BCL9: variants seen among roughly 807,000 people sequenced by gnomAD.
The protein encoded by BCL9 is B-cell CLL/lymphoma 9 protein.
BCL9 carries 25 observed loss-of-function variants against 88.5 expected under a neutral mutation model. The ratio of observed to expected loss-of-function variants is 0.28; its 90% CI spans 0.21 to 0.39. The LOEUF (loss-of-function observed/expected upper bound fraction) is 0.39, where lower values mean the gene tolerates loss of function less well. Ranked by LOEUF, BCL9 falls within the 10% of genes least tolerant of loss-of-function variation. The probability of loss-of-function intolerance (pLI) is 1.00; values close to 1 mark genes in which losing one functional copy is unlikely to be tolerated. For synonymous variants in BCL9, 711 were observed against 673.3 expected (o/e 1.06, Z -0.87); for missense variants, 1,817 against 1,877.8 (o/e 0.97, Z 0.60).
Position 147,620,181 on chromosome 1 carries a change from A to T in BCL9, c.2026A>T (p.Ile676Phe). 1 of 1,614,046 alleles carries T rather than the reference A, an allele frequency of 6.2e-7. No homozygotes were observed. Among genetic ancestry groups the T allele is most frequent in the Non-Finnish European group, 8.5e-7 (1 of 1,179,952 alleles). The change falls in exon 8 of 10, where the codon ATT (isoleucine) becomes TTT (phenylalanine). Residue 676 changes from isoleucine (I) to phenylalanine (F), a missense_variant. Transcript: ENST00000234739. ...QRHMEPGNNP[I>F]FPRIPVEGPL... ...CCACATGGAGCCTGGGAATAACCCC[A>T]TTTTCCCTCGAATACCAGTTGAGGG...
In BCL9 at chr1:147,615,905, A is replaced by G; in HGVS notation, c.660+3A>G. ...CAGAGAGAAGCACAGCGCCTCTGGT[A>G]TGTTGTTTCAGAAACTGAGTAATGG... On this transcript the variant is annotated splice_donor_region_variant and intron_variant, in intron 7 of 9. Coordinates refer to ENST00000234739, the MANE Select transcript of BCL9 (RefSeq NM_004326.4). 2 of 1,608,596 alleles carry G rather than the reference A, an allele frequency of 1.2e-6. No individual in the cohort carries two copies. Among genetic ancestry groups the G allele is most frequent in the Middle Eastern group, 1.7e-4 (1 of 6,054 alleles).
intron 1 of BCL9, among the ~76,000 whole-genome samples, chr1:147,570,624 G>C (rs1464704408): frequency 4.7e-5 from 1 of 21,094 alleles, no homozygotes; most frequent in Non-Finnish European, 1.1e-4. Context: ...ATTGTTGACT[G>C]ATTTTCTTTT....
In BCL9 at chr1:147,625,262, G is replaced by A. The variant is rs1020382298; in HGVS notation, c.*303G>A. ...TAGCTGTGCTTTGAGAATTGCCATC[G>A]GTCATGTGTTGCACCGTTCTCTGTA... On this transcript the variant is annotated 3_prime_UTR_variant, in exon 10 of 10. Transcript: ENST00000234739. 6 of 376,260 alleles carry A rather than the reference G, an allele frequency of 1.6e-5. No homozygotes were observed. The highest frequency in any genetic ancestry group is 8.5e-5 in the East Asian group (2 of 23,456). The allele number at this position is 376,260 out of a possible 1,614,324, so 23.3% of individuals were successfully genotyped here.
At chr1:147,593,769 G>A (rs1038786602) in intron 1 of BCL9, among the ~76,000 whole-genome samples, 6 of 152,084 alleles carry the variant, frequency 3.9e-5, no homozygotes, top group Non-Finnish European at 5.9e-5. Flanking sequence ...CCCAAGCCCT[G>A]TACTTAGTAG....
chr1:147,613,146 A>G lies in BCL9; in HGVS notation c.317A>G (p.Asp106Gly), dbSNP rs782066490. The G allele has an allele frequency of 6.2e-7, 1 of 1,613,892 alleles. No homozygotes were observed. The highest frequency in any genetic ancestry group is 8.5e-7 in the Non-Finnish European group (1 of 1,179,966). ...KGKRERSISA[D>G]SFDQRDPGTP... is the part of the protein sequence containing the mutation. ...AAAAGGGAGCGAAGTATTTCCGCCG[A>G]CTCCTTTGATCAGAGAGATCCTGGG... Residue 106 changes from aspartate to glycine, a missense_variant, in exon 5 of 10, where the codon GAC becomes GGC. This residue lies in a region of BCL9 where 1,228 missense variants were observed against 1,191.6 expected (regional missense o/e 1.03). Transcript: ENST00000234739.
At chr1:147,564,984 T>G (rs782069138) in intron 1 of BCL9, among the ~76,000 whole-genome samples, 1 of 152,096 alleles carries the variant, frequency 6.6e-6, no homozygotes, top group South Asian at 2.1e-4. Context: ...ACTCAATAGC[T>G]ACATGTAACT....
In BCL9 at chr1:147,618,243, GGAGGGGAGTGCC is replaced by G. The variant is rs587671108; in HGVS notation, c.661-572_661-561del. Among the ~76,000 whole-genome samples, 4 of 152,214 alleles carry G rather than the reference GGAGGGGAGTGCC, an allele frequency of 2.6e-5. No individual in the cohort carries two copies. The East Asian group carries it at 5.8e-4, about 22-fold the overall frequency. ...GATGTCAGGCCTCCTGGAAACTCCA[GGAGGGGAGTGCC>G]TCAGTAGTCACCCTGCCAGAGGAGA... On this transcript the variant is annotated intron_variant, in intron 7 of 9. Transcript: ENST00000234739.
chr1:147,593,039 C>T (rs181991709), intron 1 of BCL9, among the ~76,000 whole-genome samples: 2 of 152,186 alleles, frequency 1.3e-5, no homozygotes, highest in Non-Finnish European at 1.5e-5. Context: ...GAGGAACAAA[C>T]TTCATGAGAA....
chr1:147,543,557 C>CAT (rs587721264), intron 1 of BCL9, among the ~76,000 whole-genome samples: 45 of 152,270 alleles, frequency 3.0e-4, no homozygotes, highest in African/African-American at 8.4e-4. Flanking sequence ...GTATTTTATG[C>CAT]ATATATATAT....
chr1:147,586,653 G>C (rs1656614753), intron 1 of BCL9, among the ~76,000 whole-genome samples: 1 of 152,208 alleles, frequency 6.6e-6, no homozygotes, highest in African/African-American at 2.4e-5. Flanking sequence ...CCCAGTGCTC[G>C]GGACCCTATG....
chr1:147,612,831 C>T (rs1553202818), intron 4 of BCL9, 52 bp from the exon 5 acceptor site: 5 of 1,553,256 alleles, frequency 3.2e-6, no homozygotes, highest in Non-Finnish European at 4.4e-6. Flanking sequence ...CTAATTTGTG[C>T]TGACCAGCTG....
At chr1:147,596,411 C>T (rs1401239549) in intron 1 of BCL9, among the ~76,000 whole-genome samples, 481 of 6,470 alleles carry the variant, frequency 0.074, 125 homozygotes, top group Admixed American at 0.15. Flanking sequence ...TCTTTTTTTT[C>T]TTTTCTTTTT....
chr1:147,601,111 G>GA (rs2101590168), intron 1 of BCL9, among the ~76,000 whole-genome samples: 1 of 152,308 alleles, frequency 6.6e-6, no homozygotes, highest in Non-Finnish European at 1.5e-5. Context: ...TACCAAGCAT[G>GA]AAGGAGGAGG....
At chr1:147,550,329 A>G (rs587770744) in intron 1 of BCL9, among the ~76,000 whole-genome samples, 1 of 152,344 alleles carries the variant, frequency 6.6e-6, no homozygotes, top group South Asian at 2.1e-4. Flanking sequence ...TATATTTGAC[A>G]CAGCTAATAT....
At chr1:147,611,409 CT>C (rs1427118957) in intron 3 of BCL9, among the ~76,000 whole-genome samples, 168 bp from the exon 4 acceptor site, 2 of 152,182 alleles carry the variant, frequency 1.3e-5, no homozygotes, top group African/African-American at 4.8e-5. Flanking sequence ...GGTGTGGCCC[CT>C]GAGCCTTTGT....
rs1032750710 is a variant in BCL9 at position 147,619,179 on chromosome 1, C to T, written c.1024C>T (p.Pro342Ser). The T allele has an allele frequency of 5.5e-5, 89 of 1,613,514 alleles. No homozygotes were observed. The highest frequency in any genetic ancestry group is 7.4e-5 in the Non-Finnish European group (87 of 1,179,728). The change falls in exon 8 of 10, where the codon CCC becomes TCC. Residue 342 changes from proline (P) to serine (S), a missense_variant. This residue lies in a region of BCL9 where 1,228 missense variants were observed against 1,191.6 expected (regional missense o/e 1.03). Transcript: ENST00000234739. The surrounding 1 kb of genome is among the most constrained non-coding windows in gnomAD (Gnocchi z 4.1). ...TCCACCAGTGTCCAGTGGCGAGCCC[C>T]CCACACTGGGAGAGAATCCCGATGG... ...PPPPVSSGEP[P>S]TLGENPDGLS...
chr1:147,592,751 A>G (rs587743546), intron 1 of BCL9, among the ~76,000 whole-genome samples: 1 of 152,350 alleles, frequency 6.6e-6, no homozygotes, highest in Admixed American at 6.5e-5. Flanking sequence ...ACCAAATGCA[A>G]TAATAAGAAC....
At chr1:147,549,000 T>C (rs1470782195) in intron 1 of BCL9, among the ~76,000 whole-genome samples, 2 of 127,052 alleles carry the variant, frequency 1.6e-5, no homozygotes, top group East Asian at 4.3e-4. Context: ...TTTTTTTGAC[T>C]GAGTTTTGCT....
intron 7 of BCL9, among the ~76,000 whole-genome samples, chr1:147,618,029 A>G (rs1487153590): frequency 8.5e-5 from 13 of 152,334 alleles, no homozygotes; most frequent in South Asian, 2.1e-4. Flanking sequence ...TAATAAGGCA[A>G]TCATCCAGCA....
Sources: allele counts gnomAD v4.1 joint callset (sites outside exome capture counted in the v4.1 genomes callset), GRCh38; gene constraint gnomAD v4.1.1; regional missense constraint gnomAD v4.1.1; non-coding constraint Gnocchi (gnomAD v3.1); transcripts MANE v1.5; gene names NCBI Gene and HGNC (gene_info 2026-07-23, HGNC 2026-07-21).